Variants in KDELR2 observed in about 807,000 individuals in gnomAD.
The protein encoded by KDELR2 is KDEL endoplasmic reticulum protein retention receptor 2, also known as ER lumen protein-retaining receptor 2.
Under a neutral mutation model 23.9 loss-of-function variants are expected in KDELR2, and 15 were observed. That is an observed-to-expected ratio of 0.63 (90% confidence interval 0.42 to 0.97). KDELR2 has a LOEUF of 0.97. Ranked by LOEUF, KDELR2 falls within the 50% of genes least tolerant of loss-of-function variation. The pLI is 0.00. For synonymous variants in KDELR2, 119 were observed against 106.2 expected (o/e 1.12, Z -0.74); for missense variants, 272 against 254.6 (o/e 1.07, Z -0.46).
chr7:6,466,370 G>A (rs1348460144), intron 3 of KDELR2, 47 bp from the exon 4 acceptor site: 32 of 1,596,852 alleles, frequency 2.0e-5, no homozygotes, highest in Non-Finnish European at 2.7e-5. Context: ...TGCCCACCAG[G>A]AGCTCAGAGG....
intron 4 of KDELR2, among the ~76,000 whole-genome samples, chr7:6,465,126 G>A (rs980610064): frequency 6.6e-6 from 1 of 151,544 alleles, no homozygotes; most frequent in Non-Finnish European, 1.5e-5. Flanking sequence ...GGTTTCAGGG[G>A]CTCCTGAACC....
chr7:6,469,333 G>A (rs1381467029), intron 3 of KDELR2, among the ~76,000 whole-genome samples: 2 of 152,050 alleles, frequency 1.3e-5, no homozygotes, highest in Non-Finnish European at 2.9e-5. Flanking sequence ...TCGGCTCACT[G>A]CAGCCTCCGC....
At chr7:6,475,373 C>T (rs1421135754) in intron 1 of KDELR2, among the ~76,000 whole-genome samples, 1 of 152,188 alleles carries the variant, frequency 6.6e-6, no homozygotes, top group Non-Finnish European at 1.5e-5. Flanking sequence ...GCTGAGTGAG[C>T]TGTGGTCACA....
intron 1 of KDELR2, among the ~76,000 whole-genome samples, chr7:6,483,257 G>C (rs1176656070): frequency 6.6e-6 from 1 of 152,194 alleles, no homozygotes. Context: ...ATTAGATGGA[G>C]GCACTTAAAA....
chr7:6,475,793 AC>A (rs1785737755), intron 1 of KDELR2, among the ~76,000 whole-genome samples: 1 of 152,234 alleles, frequency 6.6e-6, no homozygotes, highest in Non-Finnish European at 1.5e-5. Flanking sequence ...GAACCCACCC[AC>A]CCTCATCTAT....
intron 3 of KDELR2, among the ~76,000 whole-genome samples, chr7:6,466,532 TC>T (rs1453244007): frequency 6.6e-6 from 1 of 152,118 alleles, no homozygotes; most frequent in Non-Finnish European, 1.5e-5. Flanking sequence ...AGACAATTTT[TC>T]CACAGACCAG....
intron 1 of KDELR2, 93 bp from the exon 2 acceptor site, chr7:6,474,377 G>C (rs1785713311): frequency 1.2e-6 from 1 of 816,522 alleles, no homozygotes; most frequent in East Asian, 2.5e-5. Flanking sequence ...AGGGAAGGAG[G>C]GGTGCGTGGG....
At chr7:6,469,549 C>T (rs1204255520) in intron 3 of KDELR2, 47 bp downstream of exon 3, 15 of 1,578,730 alleles carry the variant, frequency 9.5e-6, no homozygotes, top group East Asian at 4.5e-5. Flanking sequence ...GCTGGGATTA[C>T]AGGCATGAGC....
chr7:6,483,318 G>A (rs996621331), intron 1 of KDELR2, among the ~76,000 whole-genome samples: 1 of 152,004 alleles, frequency 6.6e-6, no homozygotes, highest in Non-Finnish European at 1.5e-5. Context: ...AATCACTGAC[G>A]ACCTCTCGGC....
At chr7:6,483,933 C>T in intron 1 of KDELR2, 34 bp downstream of exon 1, 1 of 1,454,704 alleles carries the variant, frequency 6.9e-7, no homozygotes, top group Non-Finnish European at 9.1e-7. Flanking sequence ...GGCCCCCACG[C>T]CCGAGCCTCT....
At chr7:6,471,583 C>A (rs1251428220) in intron 2 of KDELR2, among the ~76,000 whole-genome samples, 2 of 152,136 alleles carry the variant, frequency 1.3e-5, no homozygotes, top group African/African-American at 4.8e-5. Context: ...GTAAAACTGG[C>A]TTCAGTGTAT....
At chr7:6,474,727 C>T (rs867257535) in intron 1 of KDELR2, among the ~76,000 whole-genome samples, 2 of 152,124 alleles carry the variant, frequency 1.3e-5, no homozygotes, top group Non-Finnish European at 2.9e-5. Context: ...TGCAGAGGCA[C>T]GATCAAGCTC....
At position 6,467,588 on chromosome 7, in the gene KDELR2, C is replaced by T. The variant is rs190659841; in HGVS notation, c.352-1265G>A. Among the ~76,000 whole-genome samples, 6 of 152,178 alleles carry T rather than the reference C, an allele frequency of 3.9e-5. No homozygotes were observed. The East Asian group carries it at 5.8e-4, about 15-fold the overall frequency. The stretch of plus-strand genomic sequence containing the variant: ...CCAGCCTGGAAAACATGGTGAAACC[C>T]GGTCTCTACTAAAAATACAAAAATT... On this transcript the variant is annotated intron_variant, in intron 3 of 4. Coordinates refer to ENST00000258739, the MANE Select transcript of KDELR2 (RefSeq NM_006854.4).
At position 6,462,037 on chromosome 7, in the gene KDELR2, A is replaced by G. The variant is rs979550586; in HGVS notation, c.*1104T>C. 2 of 152,202 alleles carry G rather than the reference A, an allele frequency of 1.3e-5. No homozygotes were observed. The highest frequency in any genetic ancestry group is 4.8e-5 in the African/African-American group (2 of 41,458). The allele number at this position is 152,202 out of a possible 1,614,324, so 9.4% of individuals were successfully genotyped here. On this transcript the variant is annotated 3_prime_UTR_variant, in exon 5 of 5. Transcript: ENST00000258739. ...AAAGACAATTTATTCCATGTTTAAT[A>G]TAGTGTTTTTTAGGATGGTAACATA...
intron 1 of KDELR2, among the ~76,000 whole-genome samples, chr7:6,479,186 C>G (rs1284992433): frequency 6.6e-6 from 1 of 152,098 alleles, no homozygotes; most frequent in Non-Finnish European, 1.5e-5. Context: ...TTGAGACAGT[C>G]TCACTCTGTC....
chr7:6,467,044 A>G (rs1785518402), intron 3 of KDELR2, among the ~76,000 whole-genome samples: 1 of 152,162 alleles, frequency 6.6e-6, no homozygotes, highest in Non-Finnish European at 1.5e-5. Flanking sequence ...GAGGCAAGGC[A>G]CTGCCAGTGT....
At chr7:6,476,241 A>G (rs1199080048) in intron 1 of KDELR2, among the ~76,000 whole-genome samples, 9 of 152,232 alleles carry the variant, frequency 5.9e-5, no homozygotes, top group Non-Finnish European at 1.3e-4. Flanking sequence ...AAAAATGTTG[A>G]TGCCACCCTT....
At chr7:6,482,166 C>A (rs147633829) in intron 1 of KDELR2, among the ~76,000 whole-genome samples, 4 of 152,022 alleles carry the variant, frequency 2.6e-5, no homozygotes, top group African/African-American at 9.7e-5. Flanking sequence ...CCACGCCCGG[C>A]TAATTTTGTA....
Position 6,462,076 on chromosome 7 carries a change from C to T in KDELR2, c.*1065G>A, listed in dbSNP as rs1250642130. 2.0e-5 allele frequency: 3 copies of T among 152,028 alleles called. No homozygotes were observed. The highest frequency in any genetic ancestry group is 2.4e-5 in the African/African-American group (1 of 41,362). 9.4% of individuals were successfully genotyped at this position (152,028 alleles called of 1,614,324 possible). On this transcript the variant is annotated 3_prime_UTR_variant, in exon 5 of 5. Transcript: ENST00000258739. ...GATGGTAACATAAGTCATGCAACAGCTCTGTAAAACAAAACAAAACAAGAA... is the reference window on the plus strand; with the variant it reads ...GATGGTAACATAAGTCATGCAACAGTTCTGTAAAACAAAACAAAACAAGAA...
Sources: allele counts gnomAD v4.1 joint callset (sites outside exome capture counted in the v4.1 genomes callset), GRCh38; gene constraint gnomAD v4.1.1; transcripts MANE v1.5; gene names NCBI Gene and HGNC (gene_info 2026-07-23, HGNC 2026-07-21).